Variants in ARHGEF7 observed in about 807,000 individuals in gnomAD.
ARHGEF7 encodes PAK-interacting exchange factor beta.
ARHGEF7 carries 33 observed loss-of-function variants against 109.8 expected under a neutral mutation model. That is an observed-to-expected ratio of 0.30 (90% CI 0.23 to 0.40). The LOEUF is 0.40. Ranked by LOEUF, ARHGEF7 falls within the 10% of genes least tolerant of loss-of-function variation. The pLI, the probability that ARHGEF7 is intolerant of heterozygous loss-of-function variation, is 1.00. For missense variants in ARHGEF7, 938 were observed against 1,098.5 expected (o/e 0.85, Z 2.07); for synonymous variants, 458 against 424.6 (o/e 1.08, Z -0.97).
intron 2 of ARHGEF7, among the ~76,000 whole-genome samples, chr13:111,179,254 G>T (rs1287830959): frequency 9.2e-5 from 14 of 151,686 alleles, no homozygotes; most frequent in Admixed American, 7.2e-4. Flanking sequence ...ACTTTTTTTT[G>T]TGTGTTTTTA....
At chr13:111,123,864 C>CA (rs1491100047) in intron 1 of ARHGEF7, among the ~76,000 whole-genome samples, 8 of 32,810 alleles carry the variant, frequency 2.4e-4, no homozygotes, top group South Asian at 9.6e-4. Context: ...TGGGCTGCGC[C>CA]CCCCCCCCCC....
chr13:111,230,000 G>T (rs1388334320), intron 5 of ARHGEF7, among the ~76,000 whole-genome samples: 2 of 152,122 alleles, frequency 1.3e-5, no homozygotes, highest in Admixed American at 6.5e-5. Flanking sequence ...GTTGGAGCAG[G>T]TCTGTTTTCT....
intron 15 of ARHGEF7, among the ~76,000 whole-genome samples, chr13:111,282,195 C>CTGTGTGG: frequency 6.6e-6 from 1 of 151,860 alleles, no homozygotes; most frequent in Admixed American, 6.6e-5. Flanking sequence ...GCATTAGCTG[C>CTGTGTGG]CGTCCCTCTC....
At chr13:111,212,762 A>T (rs2082652221) in intron 4 of ARHGEF7, among the ~76,000 whole-genome samples, 2 of 152,224 alleles carry the variant, frequency 1.3e-5, no homozygotes, top group South Asian at 4.1e-4. Flanking sequence ...AAATATTTTC[A>T]TATACCATAT....
rs553399910 is a variant in ARHGEF7, at chr13:111,214,125, C to T, written c.469-3554C>T. Among the ~76,000 whole-genome samples, 21 of 152,308 alleles carry T rather than the reference C, an allele frequency of 1.4e-4. 1 individual carries two copies. Among genetic ancestry groups the T allele is most frequent in the African/African-American group, 4.6e-4 (19 of 41,558 alleles). On this transcript the variant is annotated intron_variant, in intron 4 of 21. Coordinates refer to ENST00000646102, the MANE Select transcript of ARHGEF7 (RefSeq NM_001354046.2). Reference sequence around the variant, plus strand: ...TTGGATTCCCCGCTCTCTTAGACGCCGCCCTTTCTTTCTGGGGTGTTGCAT... The same window carrying T: ...TTGGATTCCCCGCTCTCTTAGACGCTGCCCTTTCTTTCTGGGGTGTTGCAT...
intron 5 of ARHGEF7, among the ~76,000 whole-genome samples, chr13:111,221,393 C>A (rs191185614): frequency 1.8e-4 from 1 of 5,458 alleles, no homozygotes; most frequent in Non-Finnish European, 5.5e-4. Context: ...ATATAGATGT[C>A]TATATATCTA....
chr13:111,237,221 G>T (rs1054477433), intron 6 of ARHGEF7, among the ~76,000 whole-genome samples: 4 of 152,132 alleles, frequency 2.6e-5, no homozygotes, highest in African/African-American at 9.7e-5. Context: ...ATAATACAAG[G>T]TTATCCTTAA....
At chr13:111,185,574 T>C (rs964266427) in intron 2 of ARHGEF7, among the ~76,000 whole-genome samples, 1 of 152,250 alleles carries the variant, frequency 6.6e-6, no homozygotes, top group Non-Finnish European at 1.5e-5. Context: ...GCATTGCCTT[T>C]ATAGCTGTAA....
At chr13:111,204,809 A>G (rs564973645) in intron 2 of ARHGEF7, among the ~76,000 whole-genome samples, 1 of 150,792 alleles carries the variant, frequency 6.6e-6, no homozygotes, top group African/African-American at 2.4e-5. Flanking sequence ...CCTCACATCC[A>G]CTCTGCTCTC....
chr13:111,171,962 C>G (rs767496717), intron 2 of ARHGEF7, among the ~76,000 whole-genome samples: 8 of 152,188 alleles, frequency 5.3e-5, no homozygotes, highest in Non-Finnish European at 1.0e-4. Context: ...TCAGTCCATG[C>G]CTTGATCTTG....
intron 12 of ARHGEF7, among the ~76,000 whole-genome samples, chr13:111,276,325 CA>C (rs2092478766): frequency 6.6e-6 from 1 of 152,134 alleles, no homozygotes; most frequent in Non-Finnish European, 1.5e-5. Context: ...CATTTTTGAA[CA>C]CAAGACTCCA....
At chr13:111,221,405 A>C (rs1371193275) in intron 5 of ARHGEF7, among the ~76,000 whole-genome samples, 3 of 32,098 alleles carry the variant, frequency 9.3e-5, no homozygotes, top group East Asian at 7.6e-4. Context: ...ATATATCTAT[A>C]TATATAGATG....
intron 2 of ARHGEF7, among the ~76,000 whole-genome samples, chr13:111,202,256 T>G (rs1013239192): frequency 6.6e-6 from 1 of 152,248 alleles, no homozygotes; most frequent in Non-Finnish European, 1.5e-5. Flanking sequence ...GCATTGAGGC[T>G]TCAGCTGGGC....
intron 8 of ARHGEF7, among the ~76,000 whole-genome samples, chr13:111,260,083 C>A (rs1447093115): frequency 6.6e-6 from 1 of 152,002 alleles, no homozygotes; most frequent in Non-Finnish European, 1.5e-5. Context: ...AAGAAAGAAT[C>A]AAAAACAATG....
At chr13:111,148,322 C>T (rs1346221354) in intron 1 of ARHGEF7, among the ~76,000 whole-genome samples, 1 of 152,240 alleles carries the variant, frequency 6.6e-6, no homozygotes, top group African/African-American at 2.4e-5. Context: ...TGTGACACAA[C>T]ATATTTGTTA....
At chr13:111,221,834 G>A (rs138091419) in intron 5 of ARHGEF7, among the ~76,000 whole-genome samples, 19 of 151,700 alleles carry the variant, frequency 1.3e-4, no homozygotes, top group Admixed American at 2.0e-4. Flanking sequence ...GTACGTGTAC[G>A]TATATGTGTA....
In ARHGEF7 at chr13:111,241,703, G is replaced by A. The variant is rs145380262; in HGVS notation, c.760-2169G>A. Reference sequence around the variant, plus strand: ...TTTTATTCTTCTCATATTCGTGCTAGTGATAGTTTCTAGTGGCTGCTTTCT... The same window carrying A: ...TTTTATTCTTCTCATATTCGTGCTAATGATAGTTTCTAGTGGCTGCTTTCT... On this transcript the variant is annotated intron_variant, in intron 6 of 21. Transcript: ENST00000646102. 5.8e-3 allele frequency among the ~76,000 whole-genome samples: 883 copies of A among 152,296 alleles called. 9 individuals carry two copies. Among genetic ancestry groups the A allele is most frequent in the African/African-American group, 0.02 (836 of 41,566 alleles).
At chr13:111,297,900 A>G (rs995631270) in intron 19 of ARHGEF7, among the ~76,000 whole-genome samples, 9 of 152,266 alleles carry the variant, frequency 5.9e-5, no homozygotes, top group African/African-American at 1.9e-4. Context: ...TACAGAATTT[A>G]CTTTGCCTGA....
At chr13:111,151,617 G>C (rs74573168) in intron 1 of ARHGEF7, among the ~76,000 whole-genome samples, 1 of 152,164 alleles carries the variant, frequency 6.6e-6, no homozygotes, top group African/African-American at 2.4e-5. Context: ...GTACAGATGT[G>C]AATGCACTGT....
Sources: gnomAD v4.1 joint callset for allele counts (sites outside exome capture counted in the v4.1 genomes callset) on GRCh38, gnomAD v4.1.1 for gene constraint, MANE v1.5 for transcripts, NCBI Gene and HGNC (gene_info 2026-07-23, HGNC 2026-07-21) for gene names.